The following CPM variants were observed in gnomAD, a reference collection of about 807,000 sequenced individuals.
The protein encoded by CPM is carboxypeptidase M, also known as renal carboxypeptidase.
In CPM, 35 loss-of-function variants were observed where a neutral mutation model predicts 46.4. The observed-to-expected ratio is 0.75, with a 90% CI of 0.58 to 1.00. The LOEUF is 1.00. Among genes scored for constraint, CPM ranks in the 50% least tolerant of loss-of-function variants. CPM has a pLI of 0.00. For synonymous variants in CPM, 195 were observed against 195.3 expected, an observed-to-expected ratio of 1.00 and a Z score of 0.01; for missense variants, 422 against 530.4, an observed-to-expected ratio of 0.80 and a Z score of 2.01.
At chr12:68,941,704 T>C (rs1888764600) in intron 1 of CPM, among the ~76,000 whole-genome samples, 1 of 152,180 alleles carries the variant, frequency 6.6e-6, no homozygotes, top group South Asian at 2.1e-4. Context: ...CAATGATTCT[T>C]TCTATTGTCT....
chr12:68,858,918 C>A lies in CPM; in HGVS notation c.1089+5G>T, dbSNP rs1885091659. The A allele has an allele frequency of 6.9e-7, 1 of 1,443,986 alleles. No individual in the cohort carries two copies. The highest frequency in any genetic ancestry group is 9.2e-7 in the Non-Finnish European group (1 of 1,089,420). The allele number at this position is 1,443,986 out of a possible 1,614,324, so 89.4% of individuals were successfully genotyped here. A position where few individuals can be genotyped will look rare whatever the true frequency, so the allele number is the denominator to read the frequency against. ...TAATAACAATAACTAGCATTGCATA[C>A]TTACATTTATTATATAAGACCCAGG... On this transcript the variant is annotated splice_donor_5th_base_variant and intron_variant, in intron 8 of 8. Transcript: ENST00000551568.
intron 2 of CPM, among the ~76,000 whole-genome samples, chr12:68,897,372 C>T (rs1024320441): frequency 1.3e-5 from 2 of 151,738 alleles, no homozygotes; most frequent in African/African-American, 4.8e-5. Flanking sequence ...CTGAGAACTT[C>T]CCTTTTTGGT....
chr12:68,880,577 A>C (rs1276941177), intron 3 of CPM, among the ~76,000 whole-genome samples: 1 of 152,194 alleles, frequency 6.6e-6, no homozygotes, highest in Non-Finnish European at 1.5e-5. Context: ...TTAAGAATGA[A>C]AACCATAAAA....
At chr12:68,881,346 T>TTATGATA (rs1886180515) in intron 3 of CPM, among the ~76,000 whole-genome samples, 1 of 152,208 alleles carries the variant, frequency 6.6e-6, no homozygotes, top group Non-Finnish European at 1.5e-5. Flanking sequence ...GGGCTCTTTA[T>TTATGATA]CAAGCCTAGT....
chr12:68,930,347 G>T (rs1888449901), intron 2 of CPM, among the ~76,000 whole-genome samples: 2 of 152,250 alleles, frequency 1.3e-5, no homozygotes, highest in South Asian at 4.1e-4. Flanking sequence ...CTCCCAAGGT[G>T]CTGGGATTAC....
At chr12:68,868,433 C>G (rs971134899) in intron 6 of CPM, among the ~76,000 whole-genome samples, 6 of 152,192 alleles carry the variant, frequency 3.9e-5, no homozygotes, top group African/African-American at 1.4e-4. Flanking sequence ...AAGTGGCCTG[C>G]ACGCAGAAAT....
At chr12:68,943,302 T>C (rs1200855509) in intron 1 of CPM, among the ~76,000 whole-genome samples, 1 of 152,164 alleles carries the variant, frequency 6.6e-6, no homozygotes, top group African/African-American at 2.4e-5. Context: ...GGGTTGCATA[T>C]ATTAAATGAG....
At chr12:68,915,579 A>C (rs77689283) in intron 2 of CPM, among the ~76,000 whole-genome samples, 1,741 of 152,328 alleles carry the variant, frequency 0.011, 22 homozygotes, top group South Asian at 0.042. Context: ...GCCAGCTTAC[A>C]AAGCATCCCT....
In CPM at chr12:68,855,855, C is replaced by T. The variant is rs1884945382; in HGVS notation, c.*582G>A. On this transcript the variant is annotated 3_prime_UTR_variant, in exon 9 of 9. Transcript: ENST00000551568. ...TAGGGTTCAAGCGATTCTCCTGTCT[C>T]AGCCTCCTGAAAGGCTGCGATTACA... The T allele has an allele frequency of 6.5e-6, 1 of 152,854 alleles. No individual in the cohort carries two copies. The highest frequency in any genetic ancestry group is 1.5e-5 in the Non-Finnish European group (1 of 68,696). The allele number at this position is 152,854 out of a possible 1,614,324, so 9.5% of individuals were successfully genotyped here. A position where few individuals can be genotyped will look rare whatever the true frequency, so the allele number is the denominator to read the frequency against.
At chr12:68,893,239 T>C (rs959330363) in intron 2 of CPM, among the ~76,000 whole-genome samples, 6 of 151,884 alleles carry the variant, frequency 4.0e-5, no homozygotes, top group African/African-American at 1.5e-4. Flanking sequence ...ACCCTGTCTC[T>C]GGGACACACA....
chr12:68,951,049 T>C (rs1381556698), intron 1 of CPM, among the ~76,000 whole-genome samples: 1 of 152,234 alleles, frequency 6.6e-6, no homozygotes, highest in African/African-American at 2.4e-5. Flanking sequence ...GTGGTTCTGC[T>C]TCTCTGATTG....
chr12:68,954,784 G>C (rs1220457619), intron 1 of CPM, among the ~76,000 whole-genome samples: 2 of 152,040 alleles, frequency 1.3e-5, no homozygotes, highest in Non-Finnish European at 2.9e-5. Flanking sequence ...TTATATCTTG[G>C]CTTCTGATCA....
chr12:68,843,698 ACTCTCT>A (rs112584632), intron 5 of CPM: 15,231 of 215,520 alleles, frequency 0.071, 2,251 homozygotes, highest in African/African-American at 0.32. Flanking sequence ...TTGCTTCAAA[ACTCTCT>A]CTCTCTCTCT....
chr12:68,909,017 A>G (rs551743497), intron 2 of CPM, among the ~76,000 whole-genome samples: 1 of 152,340 alleles, frequency 6.6e-6, no homozygotes, highest in East Asian at 1.9e-4. Context: ...CTAATGTTGA[A>G]TTAATGTGAA....
At chr12:68,913,630 A>C (rs970610714) in intron 2 of CPM, among the ~76,000 whole-genome samples, 2 of 152,168 alleles carry the variant, frequency 1.3e-5, no homozygotes, top group African/African-American at 4.8e-5. Context: ...ATGGGGACTC[A>C]AACTCCTTGG....
At chr12:68,901,711 C>T (rs1251335635) in intron 2 of CPM, among the ~76,000 whole-genome samples, 1 of 152,186 alleles carries the variant, frequency 6.6e-6, no homozygotes, top group Non-Finnish European at 1.5e-5. Context: ...CAAGTTTAAT[C>T]ATAACCTCCA....
intron 2 of CPM, among the ~76,000 whole-genome samples, chr12:68,903,271 CT>C (rs1438132147): frequency 2.6e-5 from 4 of 152,126 alleles, no homozygotes; most frequent in African/African-American, 9.7e-5. Flanking sequence ...CCATCTTTCT[CT>C]TTTTTTCCCC....
chr12:68,869,742 AG>A (rs1885605884), intron 5 of CPM, among the ~76,000 whole-genome samples: 1 of 152,176 alleles, frequency 6.6e-6, no homozygotes, highest in Non-Finnish European at 1.5e-5. Flanking sequence ...GTGTCCTCTC[AG>A]TCACTCTTGC....
chr12:68,881,727 CTT>C lies in CPM; in HGVS notation c.258+4063_258+4064del, dbSNP rs11327074. Reference sequence around the variant, plus strand: ...GTTGATTTTGTAATAATTTTTTTTTCTTTTTTTTTTTTTGAGACAGTCTCACT... The same window carrying C: ...GTTGATTTTGTAATAATTTTTTTTTCTTTTTTTTTTTGAGACAGTCTCACT... On this transcript the variant is annotated intron_variant, in intron 3 of 8. Transcript: ENST00000551568. 2.5e-3 allele frequency among the ~76,000 whole-genome samples: 346 copies of C among 137,488 alleles called. 1 individual carries two copies. The highest frequency in any genetic ancestry group is 7.0e-3 in the African/African-American group (258 of 37,026). 90.2% of individuals were successfully genotyped at this position (137,488 alleles called of 152,430 possible). A position where few individuals can be genotyped will look rare whatever the true frequency, so the allele number is the denominator to read the frequency against.
Sources: allele counts gnomAD v4.1 joint callset (sites outside exome capture counted in the v4.1 genomes callset), GRCh38; gene constraint gnomAD v4.1.1; transcripts MANE v1.5; gene names NCBI Gene and HGNC (gene_info 2026-07-23, HGNC 2026-07-21).